The following LAG3 variants were observed in gnomAD, a reference collection of about 807,000 sequenced individuals.
The protein encoded by LAG3 is lymphocyte activating 3, also known as lymphocyte activation gene 3 protein.
Under a neutral mutation model 49.0 loss-of-function variants are expected in LAG3, and 29 were observed. The observed-to-expected ratio is 0.59, with a 90% CI of 0.44 to 0.81. The LOEUF is 0.81. LAG3 is among the 30% of genes least tolerant of loss of function. The pLI, the probability that LAG3 is intolerant of heterozygous loss-of-function variation, is 0.00. For missense variants in LAG3, 693 were observed against 695.2 expected, an observed-to-expected ratio of 1.00 and a Z score of 0.04; for synonymous variants, 320 against 297.3, an observed-to-expected ratio of 1.08 and a Z score of -0.79.
At chr12:6,777,947 C>T in intron 7 of LAG3, 26 bp downstream of exon 7, 1 of 1,610,922 alleles carries the variant, frequency 6.2e-7, no homozygotes, top group Non-Finnish European at 8.5e-7. Context: ...GGCAACCCCG[C>T]CCCCCAGCAG....
rs150796252 is a variant in LAG3, at chr12:6,777,342, G to A, written c.1136G>A (p.Arg379His). Residue 379 changes from arginine (R) to histidine (H), a missense_variant, in exon 6 of 8, where the codon CGC (arginine) becomes CAC (histidine). By Grantham distance (29) the Arg-to-His change is conservative. Coordinates refer to ENST00000203629, the MANE Select transcript of LAG3 (RefSeq NM_002286.6). ...CEVTPVSGQE[R>H]FVWSSLDTPS... ...GTGACTCCAGTATCTGGACAAGAAC[G>A]CTTTGTGTGGAGCTCTCTGGACACC... 2.0e-5 allele frequency: 33 copies of A among 1,614,190 alleles called. No individual in the cohort carries two copies. The highest frequency in any genetic ancestry group is 2.8e-5 in the Non-Finnish European group (33 of 1,180,042).
intron 4 of LAG3, 25 bp downstream of exon 4, chr12:6,774,889 T>G: frequency 6.3e-7 from 1 of 1,596,182 alleles, no homozygotes; most frequent in East Asian, 2.2e-5. Context: ...CTGCTTCACA[T>G]TTGACCACAA....
At position 6,774,410 on chromosome 12, in the gene LAG3, G is replaced by T. The variant is rs906131982; in HGVS notation, c.512-185G>T. On this transcript the variant is annotated intron_variant, in intron 3 of 7. Transcript: ENST00000203629. ...GGGACGGGGAAAGTGGTCCTGGGGA[G>T]TCTTGGGGATCCACTTTATGCACCT... Among the ~76,000 whole-genome samples, 21 of 152,218 alleles carry T rather than the reference G, an allele frequency of 1.4e-4. 1 individual carries two copies. The highest frequency in any genetic ancestry group is 5.1e-4 in the African/African-American group (21 of 41,448).
chr12:6,778,372 C>T lies in LAG3; in HGVS notation c.1560C>T (p.Pro520=), dbSNP rs1428714933. The change falls in exon 8 of 8, where the codon CCC becomes CCT. Residue 520 remains proline, a synonymous_variant. Coordinates refer to ENST00000203629, the MANE Select transcript of LAG3 (RefSeq NM_002286.6). ...CGGAACCGGAGCCCGAGCCCGAGCC[C>T]GAGCCGGAGCAGCTCTGACCTGGAG... ...PEPEPEPEPE[P]EPEQL 1 of 1,611,340 alleles carries T rather than the reference C, an allele frequency of 6.2e-7. No homozygotes were observed. Among genetic ancestry groups the T allele is most frequent in the Non-Finnish European group, 8.5e-7 (1 of 1,179,922 alleles).
At chr12:6,775,850 C>T (rs761960785) in intron 5 of LAG3, 1 of 359,406 alleles carries the variant, frequency 2.8e-6, no homozygotes, top group Non-Finnish European at 5.2e-6. Flanking sequence ...CTGAATGGTT[C>T]GAAAGAGGTA....
rs962781723 is a variant in LAG3 at position 6,775,257 on chromosome 12, T to A, written c.782-16T>A. 1 of 1,605,206 alleles carries A rather than the reference T, an allele frequency of 6.2e-7. No individual in the cohort carries two copies. Among genetic ancestry groups the A allele is most frequent in the South Asian group, 1.1e-5 (1 of 90,506 alleles). On this transcript the variant is annotated splice_polypyrimidine_tract_variant and intron_variant, in intron 4 of 7. Coordinates refer to ENST00000203629, the MANE Select transcript of LAG3 (RefSeq NM_002286.6). ...GCAGCACCCAGCTTTAACTTTGGGT[T>A]TTCTTTTCTCTTCAGGTCTGGAGCC...
At chr12:6,774,919 T>C (rs1941888897) in intron 4 of LAG3, 55 bp downstream of exon 4, 2 of 1,541,092 alleles carry the variant, frequency 1.3e-6, no homozygotes, top group East Asian at 2.3e-5. Context: ...GCCCCCCTTG[T>C]CACCTCCCCT....
chr12:6,773,749 GC>G lies in LAG3; in HGVS notation c.260del (p.Ala87GlyfsTer16). ...GHPLAPGPHP[A>X]APSSWGPRPR... ...TCCCCTGGCCCCCGGCCCTCACCCG[GC>G]GGCGCCCTCCTCCTGGGGGCCCAGG... is the stretch of plus-strand genomic sequence containing the variant. On this transcript the variant is annotated frameshift_variant, in exon 3 of 8. Coordinates refer to ENST00000203629, the MANE Select transcript of LAG3 (RefSeq NM_002286.6). LOFTEE classifies it high-confidence loss of function. The surrounding 1 kb of genome is among the most constrained non-coding windows in gnomAD (Gnocchi z 5.5). 1 of 1,326,754 alleles carries G rather than the reference GC, an allele frequency of 7.5e-7. No individual in the cohort carries two copies. The allele number at this position is 1,326,754 out of a possible 1,614,324, so 82.2% of individuals were successfully genotyped here. A position where few individuals can be genotyped will look rare whatever the true frequency, so the allele number is the denominator to read the frequency against.
Position 6,778,414 on chromosome 12 carries a change from A to G in LAG3, c.*24A>G. The G allele has an allele frequency of 6.2e-7, 1 of 1,604,756 alleles. No individual in the cohort carries two copies. Among genetic ancestry groups the G allele is most frequent in the Admixed American group, 1.7e-5 (1 of 59,828 alleles). ...GACCTGGAGCTGAGGCAGCCAGCAGATCTCAGCAGCCCAGTCCAAATAAAC... is the reference window on the plus strand; with the variant it reads ...GACCTGGAGCTGAGGCAGCCAGCAGGTCTCAGCAGCCCAGTCCAAATAAAC... On this transcript the variant is annotated 3_prime_UTR_variant, in exon 8 of 8. Transcript: ENST00000203629.
chr12:6,772,856 T>C lies in LAG3; in HGVS notation c.4T>C (p.Trp2Arg). The stretch of plus-strand genomic sequence containing the variant: ...CGCTGCCCAGACCATAGGAGAGATG[T>C]GGGAGGCTCAGTTCCTGGGCTTGCT... M[W>R]EAQFLGLLFL... is the part of the protein sequence containing the mutation. The change falls in exon 1 of 8, where the codon TGG becomes CGG. Residue 2 changes from tryptophan (W) to arginine (R), a missense_variant. By Grantham distance (101) the Trp-to-Arg change is moderately radical (BLOSUM62 -3). Coordinates refer to ENST00000203629, the MANE Select transcript of LAG3 (RefSeq NM_002286.6). The C allele has an allele frequency of 6.3e-7, 1 of 1,579,840 alleles. No homozygotes were observed.
chr12:6,774,523 C>G (rs1342970236), intron 3 of LAG3, 72 bp from the exon 4 acceptor site: 16 of 1,522,716 alleles, frequency 1.1e-5, no homozygotes, highest in Non-Finnish European at 1.4e-5. Context: ...CAGGAGCTTC[C>G]GGCTTGGCAG....
chr12:6,777,586 C>A, intron 6 of LAG3, 80 bp downstream of exon 6: 1 of 1,535,406 alleles, frequency 6.5e-7, no homozygotes, highest in Non-Finnish European at 8.8e-7. Context: ...CCTGCCACCC[C>A]CATCCCAGCG....
chr12:6,773,135 C>T lies in LAG3; in HGVS notation c.59-57C>T. On this transcript the variant is annotated intron_variant, in intron 1 of 7. Coordinates refer to ENST00000203629, the MANE Select transcript of LAG3 (RefSeq NM_002286.6). The surrounding 1 kb of genome is among the most constrained non-coding windows in gnomAD (Gnocchi z 5.5). ...CTCGGGAAACACCCAGGCTCCTTCT[C>T]TACCCCTGCCTCTCGGCTCACGCCC... 1 of 1,557,288 alleles carries T rather than the reference C, an allele frequency of 6.4e-7. No homozygotes were observed. Among genetic ancestry groups the T allele is most frequent in the Admixed American group, 2.0e-5 (1 of 48,926 alleles).
In LAG3 at chr12:6,775,349, T is replaced by C. The variant is rs747523843; in HGVS notation, c.858T>C (p.Ala286=). 4.3e-6 allele frequency: 7 copies of C among 1,614,218 alleles called. No individual in the cohort carries two copies. Among genetic ancestry groups the C allele is most frequent in the Non-Finnish European group, 5.9e-6 (7 of 1,180,046 alleles). Residue 286 remains alanine, a synonymous_variant, in exon 5 of 8, where the codon GCT becomes GCC. Transcript: ENST00000203629. ...SRVGLPCRLP[A]GVGTRSFLTA... is the part of the protein sequence containing the mutation. ...TGGGGCTGCCCTGCCGCCTGCCTGC[T>C]GGTGTGGGGACCCGGTCTTTCCTCA...
chr12:6,775,212 C>T lies in LAG3; in HGVS notation c.782-61C>T, dbSNP rs1592496580. 3 of 1,543,798 alleles carry T rather than the reference C, an allele frequency of 1.9e-6. No homozygotes were observed. In the Admixed American group the frequency reaches 5.5e-5, roughly 28 times the overall value. ...TTCTTCTGCCTCCCTTCCTTGCAGC[C>T]CCAGCACTCCCTCCCCACTGCAGCA... On this transcript the variant is annotated intron_variant, in intron 4 of 7. Coordinates refer to ENST00000203629, the MANE Select transcript of LAG3 (RefSeq NM_002286.6).
chr12:6,773,396 C>T lies in LAG3; in HGVS notation c.206+57C>T. Reference sequence around the variant, plus strand: ...CCGAATCCAGCACTCAACCCCACACCCGTGCCGGTCCTCTGTCCCCTGCCC... The same window carrying T: ...CCGAATCCAGCACTCAACCCCACACTCGTGCCGGTCCTCTGTCCCCTGCCC... On this transcript the variant is annotated intron_variant, in intron 2 of 7. Transcript: ENST00000203629. The surrounding 1 kb of genome is among the most constrained non-coding windows in gnomAD (Gnocchi z 5.5). 1.9e-6 allele frequency: 3 copies of T among 1,591,302 alleles called. No homozygotes were observed. Among genetic ancestry groups the T allele is most frequent in the South Asian group, 1.1e-5 (1 of 90,140 alleles).
Position 6,774,627 on chromosome 12 carries a change from T to TC in LAG3, c.546dup (p.Asp183ArgfsTer13). 1 of 1,614,076 alleles carries TC rather than the reference T, an allele frequency of 6.2e-7. No homozygotes were observed. Among genetic ancestry groups the TC allele is most frequent in the Non-Finnish European group, 8.5e-7 (1 of 1,179,986 alleles). On this transcript the variant is annotated frameshift_variant, in exon 4 of 8. Coordinates refer to ENST00000203629, the MANE Select transcript of LAG3 (RefSeq NM_002286.6). LOFTEE classifies it high-confidence loss of function. The stretch of plus-strand genomic sequence containing the variant: ...CAGCCCCCCAGGATCTCTCAGAGCC[T>TC]CCGACTGGGTCATTTTGAACTGCTC...
chr12:6,777,532 C>T, intron 6 of LAG3, 26 bp downstream of exon 6: 1 of 1,608,632 alleles, frequency 6.2e-7, no homozygotes. Flanking sequence ...ATGCCAGGAC[C>T]CAAACGCCAC....
rs142727587 is a variant in LAG3, at chr12:6,774,562, T to C, written c.512-33T>C. On this transcript the variant is annotated intron_variant, in intron 3 of 7. Transcript: ENST00000203629. ...TGCTGTGTTGGGAAATTGTTTCCAG[T>C]GGGCTGATGAAGTCTTCTTTATCCT... 5.2e-4 allele frequency: 824 copies of C among 1,589,168 alleles called. 7 individuals are homozygous for C. In the African/African-American group the frequency reaches 9.1e-3, roughly 18 times the overall value.
Sources: gnomAD v4.1 joint callset for allele counts (sites outside exome capture counted in the v4.1 genomes callset) on GRCh38, gnomAD v4.1.1 for gene constraint, Gnocchi (gnomAD v3.1) non-coding constraint, MANE v1.5 for transcripts, NCBI Gene and HGNC (gene_info 2026-07-23, HGNC 2026-07-21) for gene names.